The following MUC6 variants were observed in gnomAD, a reference collection of about 807,000 sequenced individuals.
The protein encoded by MUC6 is mucin-6.
In MUC6, 188 loss-of-function variants were observed where a neutral mutation model predicts 201.5. The observed-to-expected ratio is 0.93, with a 90% CI of 0.83 to 1.05. MUC6 has a LOEUF of 1.05. MUC6 is among the 50% of genes least tolerant of loss of function. The pLI is 0.00. For missense variants in MUC6, 2,706 were observed against 3,256.9 expected (o/e 0.83, Z 4.12); for synonymous variants, 1,228 against 1,389.4 (o/e 0.88, Z 2.58).
At position 1,033,189 on chromosome 11, in the gene MUC6, GAA is replaced by G; in HGVS notation, c.53-116_53-115del. The G allele has an allele frequency of 9.2e-7, 1 of 1,083,138 alleles. No homozygotes were observed. The highest frequency in any genetic ancestry group is 1.4e-6 in the Non-Finnish European group (1 of 712,384). The allele number at this position is 1,083,138 out of a possible 1,614,324, so 67.1% of individuals were successfully genotyped here. A position where few individuals can be genotyped will look rare whatever the true frequency, so the allele number is the denominator to read the frequency against. ...TTCCCTGCACACACTCGGCGTGCGA[GAA>G]GTGTCCATGGCCCGTGGGGCTCGAG... On this transcript the variant is annotated intron_variant, in intron 1 of 32. Transcript: ENST00000421673. This position sits in a 1 kb window ranked among gnomAD's most constrained non-coding sequence, Gnocchi z 5.6.
rs1424829297 is a variant in MUC6 at position 1,023,721 on chromosome 11, C to G, written c.3383-69G>C. 2.5e-6 allele frequency: 4 copies of G among 1,583,036 alleles called. No individual in the cohort carries two copies. The African/African-American group carries it at 5.4e-5, about 21-fold the overall frequency. ...GCCCTGGCCCTGACCCGGTGGTTCC[C>G]CTGGGCATGCATGGAACCTGAGTGT... On this transcript the variant is annotated intron_variant, in intron 25 of 32. Coordinates refer to ENST00000421673, the MANE Select transcript of MUC6 (RefSeq NM_005961.3).
intron 22 of MUC6, 34 bp from the exon 23 acceptor site, chr11:1,025,401 T>C: frequency 6.3e-7 from 1 of 1,591,166 alleles, no homozygotes; most frequent in Non-Finnish European, 8.6e-7. Flanking sequence ...ACTGCCTGTC[T>C]GTCTCCCCCG....
Position 1,031,689 on chromosome 11 carries a change from G to A in MUC6, c.401C>T (p.Pro134Leu). The change falls in exon 4 of 33, where the codon CCC becomes CTC. Residue 134 changes from proline (P) to leucine (L), a missense_variant. Physicochemically the swap from Pro to Leu is moderately conservative, Grantham distance 98. Around this residue, in one of 10 missense-constraint regions of MUC6, gnomAD observed 1,850 missense variants for 1,958.3 expected, o/e 0.94. Transcript: ENST00000421673. The part of the protein sequence containing the change: ...PYTSNGLQIT[P>L]FGQSVRLVAK... ...CACCAGCCGCACGCTCTGGCCGAAG[G>A]GTGTGATCTGGAGTCCATTGCTGGT... The A allele has an allele frequency of 1.3e-6, 2 of 1,550,912 alleles. No homozygotes were observed. The highest frequency in any genetic ancestry group is 1.2e-5 in the South Asian group (1 of 84,066).
chr11:1,028,805 G>A lies in MUC6; in HGVS notation c.1454-22C>T, dbSNP rs568933440. On this transcript the variant is annotated intron_variant, in intron 12 of 32. Coordinates refer to ENST00000421673, the MANE Select transcript of MUC6 (RefSeq NM_005961.3). Reference sequence around the variant, plus strand: ...TTGCCTGCAGGACGCAGTGCTCAGTGGGCCGTCTGGGCTCCCTCCCCACCC... The same window carrying A: ...TTGCCTGCAGGACGCAGTGCTCAGTAGGCCGTCTGGGCTCCCTCCCCACCC... 188 of 1,609,132 alleles carry A rather than the reference G, an allele frequency of 1.2e-4. 2 individuals are homozygous for A. The South Asian group carries it at 2.0e-3, about 17-fold the overall frequency.
chr11:1,024,161 T>C, intron 24 of MUC6, 58 bp from the exon 25 acceptor site: 1 of 1,559,764 alleles, frequency 6.4e-7, no homozygotes, highest in Non-Finnish European at 8.7e-7. Flanking sequence ...GGCATCAGGC[T>C]TTGCCACCTG....
rs1267449673 is a variant in MUC6 at position 1,030,297 on chromosome 11, A to G, written c.931T>C (p.Cys311Arg). The change falls in exon 8 of 33, where the codon TGC becomes CGC. Residue 311 changes from cysteine (C) to arginine (R), a missense_variant. Transcript: ENST00000421673. ...QCPANQVYQE[C>R]GSACVKTCSN... ...CAGGTCTTCACGCAGGCCGAGCCGC[A>G]CTCCTGGTACACCTGGTTGGCCGGG... 6.5e-7 allele frequency: 1 copy of G among 1,548,776 alleles called. No homozygotes were observed. The highest frequency in any genetic ancestry group is 8.7e-7 in the Non-Finnish European group (1 of 1,146,764).
intron 26 of MUC6, among the ~76,000 whole-genome samples, chr11:1,022,319 C>A (rs1010610666): frequency 1.1e-4 from 17 of 148,686 alleles, no homozygotes; most frequent in Non-Finnish European, 2.0e-4. Flanking sequence ...CTCCATCTGC[C>A]CTCTACAGCC....
Position 1,030,309 on chromosome 11 carries a change from C to T in MUC6, c.919G>A (p.Val307Met). ...CSVGQCPANQ[V>M]YQECGSACVK... ...CAGGCCGAGCCGCACTCCTGGTACA[C>T]CTGGTTGGCCGGGCACTGACCCACG... is the stretch of plus-strand genomic sequence containing the variant. The change falls in exon 8 of 33, where the codon GTG becomes ATG. Residue 307 changes from valine to methionine, a missense_variant. This residue lies in a region of MUC6 where 1,850 missense variants were observed against 1,958.3 expected (regional missense o/e 0.94). Coordinates refer to ENST00000421673, the MANE Select transcript of MUC6 (RefSeq NM_005961.3). 6.5e-7 allele frequency: 1 copy of T among 1,548,936 alleles called. No individual in the cohort carries two copies. The highest frequency in any genetic ancestry group is 8.7e-7 in the Non-Finnish European group (1 of 1,146,834).
chr11:1,032,439 G>A (rs974511477), intron 2 of MUC6, among the ~76,000 whole-genome samples: 1 of 151,754 alleles, frequency 6.6e-6, no homozygotes, highest in African/African-American at 2.4e-5. Context: ...GTGTGTGATT[G>A]TGTTGCATGC....
Position 1,028,020 on chromosome 11 carries a change from G to C in MUC6, c.1793C>G (p.Thr598Arg). Residue 598 changes from threonine (T) to arginine (R), a missense_variant, in exon 15 of 33, where the codon ACA becomes AGA. Thr to Arg is a moderately conservative substitution (Grantham distance 71, BLOSUM62 -1). Transcript: ENST00000421673. ...AETHCSMLLR[T>R]GTVFERCHAT... The stretch of plus-strand genomic sequence containing the variant: ...GTGGCACCTCTCGAACACCGTGCCT[G>C]TCCTCAGCAGCATGGAGCAGTGGGT... The C allele has an allele frequency of 6.3e-7, 1 of 1,585,676 alleles. No homozygotes were observed. The highest frequency in any genetic ancestry group is 8.6e-7 in the Non-Finnish European group (1 of 1,166,422).
chr11:1,032,297 A>G (rs551274308), intron 2 of MUC6, among the ~76,000 whole-genome samples: 16 of 152,026 alleles, frequency 1.1e-4, no homozygotes, highest in Non-Finnish European at 1.8e-4. Flanking sequence ...GTGTGTGTGC[A>G]CGTGTGTGCA....
chr11:1,027,681 T>G lies in MUC6; in HGVS notation c.1981+4A>C. On this transcript the variant is annotated splice_donor_region_variant and intron_variant, in intron 16 of 32. Coordinates refer to ENST00000421673, the MANE Select transcript of MUC6 (RefSeq NM_005961.3). Reference sequence around the variant, plus strand: ...ACCCCGCTTAAGCCCCGTCGGGCACTCACTGCAGTTGTCCACACTGCTTCT... The same window carrying G: ...ACCCCGCTTAAGCCCCGTCGGGCACGCACTGCAGTTGTCCACACTGCTTCT... 1 of 1,596,332 alleles carries G rather than the reference T, an allele frequency of 6.3e-7. No homozygotes were observed. Among genetic ancestry groups the G allele is most frequent in the Non-Finnish European group, 8.5e-7 (1 of 1,172,128 alleles).
At chr11:1,020,603 C>A in intron 28 of MUC6, 81 bp downstream of exon 28, 2 of 1,583,110 alleles carry the variant, frequency 1.3e-6, no homozygotes, top group Non-Finnish European at 1.7e-6. Context: ...CTGCTTCCCA[C>A]CCGACAGATT....
chr11:1,021,680 C>T (rs569748803), intron 26 of MUC6, among the ~76,000 whole-genome samples: 69 of 152,186 alleles, frequency 4.5e-4, no homozygotes, highest in African/African-American at 1.6e-3. Context: ...TAAGCCCCTC[C>T]TTTCCTGCCA....
Position 1,029,590 on chromosome 11 carries a change from A to C in MUC6, c.1041T>G (p.Asn347Lys). 6.2e-7 allele frequency: 1 copy of C among 1,604,664 alleles called. No homozygotes were observed. Among genetic ancestry groups the C allele is most frequent in the Non-Finnish European group, 8.5e-7 (1 of 1,174,894 alleles). Residue 347 changes from asparagine (N) to lysine (K), a missense_variant, in exon 9 of 33, where the codon AAT (asparagine) becomes AAG (lysine). By Grantham distance (94) the Asn-to-Lys change is moderately conservative. This residue lies in a region of MUC6 where 1,850 missense variants were observed against 1,958.3 expected (regional missense o/e 0.94). Transcript: ENST00000421673. ...PEGTVLNDLS[N>K]NHTCVPVTQC... ...GGGTGACGGGCACGCAGGTGTGGTT[A>C]TTGGAGAGGTCATTCAGGACCGTAC...
rs773621605 is a variant in MUC6, at chr11:1,032,000, C to T, written c.169G>A (p.Asp57Asn). ...CCCGAGAAGTCGTACACGTGGTGGT[C>T]GAAGGTGGAGAAGTGACCAGCCCCC... is the stretch of plus-strand genomic sequence containing the variant. ...TWGAGHFSTFDHHVYDFSGTC... is the reference protein window; with the variant it reads ...TWGAGHFSTFNHHVYDFSGTC... Residue 57 changes from aspartate to asparagine, a missense_variant, in exon 3 of 33, where the codon GAC becomes AAC. This residue lies in a region of MUC6 where 1,850 missense variants were observed against 1,958.3 expected (regional missense o/e 0.94). Coordinates refer to ENST00000421673, the MANE Select transcript of MUC6 (RefSeq NM_005961.3). 12 of 1,613,374 alleles carry T rather than the reference C, an allele frequency of 7.4e-6. No individual in the cohort carries two copies. The highest frequency in any genetic ancestry group is 3.3e-4 in the Middle Eastern group (2 of 6,084).
In MUC6 at chr11:1,024,898, G is replaced by A. The variant is rs773367939; in HGVS notation, c.3171C>T (p.Ala1057=). Residue 1057 remains alanine (A), a synonymous_variant, in exon 24 of 33, where the codon GCC becomes GCT. Coordinates refer to ENST00000421673, the MANE Select transcript of MUC6 (RefSeq NM_005961.3). ...CSLNAFRRSW[A]ERKCSVINSQ... Reference sequence around the variant, plus strand: ...TGTTGATGACGCTGCACTTGCGCTCGGCCCAGGAGCGCCGGAAGGCATTGA... The same window carrying A: ...TGTTGATGACGCTGCACTTGCGCTCAGCCCAGGAGCGCCGGAAGGCATTGA... 4.1e-5 allele frequency: 66 copies of A among 1,612,578 alleles called. No individual in the cohort carries two copies. The highest frequency in any genetic ancestry group is 5.4e-5 in the Non-Finnish European group (64 of 1,179,842).
Position 1,028,679 on chromosome 11 carries a change from T to C in MUC6, c.1558A>G (p.Thr520Ala), listed in dbSNP as rs757043934. The C allele has an allele frequency of 1.2e-6, 2 of 1,610,298 alleles. No homozygotes were observed. Among genetic ancestry groups the C allele is most frequent in the Non-Finnish European group, 1.7e-6 (2 of 1,178,880 alleles). ...TGACCTCTGAACTGGGGCCCAACAGTGACATAGGCCTGGAAGATGGGGCGC... is the reference window on the plus strand; with the variant it reads ...TGACCTCTGAACTGGGGCCCAACAGCGACATAGGCCTGGAAGATGGGGCGC... ...QLRPIFQAYVTVGPQFRGQTR... is the reference protein window; with the variant it reads ...QLRPIFQAYVAVGPQFRGQTR... The change falls in exon 13 of 33, where the codon ACT becomes GCT. Residue 520 changes from threonine (T) to alanine (A), a missense_variant. This residue lies in a region of MUC6 where 1,850 missense variants were observed against 1,958.3 expected (regional missense o/e 0.94). Transcript: ENST00000421673.
rs1304369914 is a variant in MUC6, at chr11:1,031,035, T to A, written c.596A>T (p.Lys199Met). 6.4e-6 allele frequency: 10 copies of A among 1,573,614 alleles called. No homozygotes were observed. The highest frequency in any genetic ancestry group is 1.9e-5 in the Admixed American group (1 of 52,778). The change falls in exon 6 of 33, where the codon AAG becomes ATG. Residue 199 changes from lysine (K) to methionine (M), a missense_variant. Physicochemically the swap from Lys to Met is moderately conservative, Grantham distance 95 (BLOSUM62 -1). Transcript: ENST00000421673. The part of the protein sequence containing the change: ...SEEGKFLEPH[K>M]FAALQKLDDP... Reference sequence around the variant, plus strand: ...GTCCAGCTTCTGGAGGGCAGCAAACTTGTGGGGTTCCAGGAACTTGCCTGG... The same window carrying A: ...GTCCAGCTTCTGGAGGGCAGCAAACATGTGGGGTTCCAGGAACTTGCCTGG...
Sources: allele counts gnomAD v4.1 joint callset (sites outside exome capture counted in the v4.1 genomes callset), GRCh38; gene constraint gnomAD v4.1.1; regional missense constraint gnomAD v4.1.1; non-coding constraint Gnocchi (gnomAD v3.1); transcripts MANE v1.5; gene names NCBI Gene and HGNC (gene_info 2026-07-23, HGNC 2026-07-21).